CSMD2: variants seen among roughly 807,000 people sequenced by gnomAD.
CSMD2 encodes the protein CUB and sushi domain-containing protein 2.
In CSMD2, 130 loss-of-function variants were observed where a neutral mutation model predicts 398.5. That is an observed-to-expected ratio of 0.33 (90% confidence interval 0.28 to 0.38). The LOEUF is 0.38. CSMD2 is among the 10% of genes least tolerant of loss of function. The pLI, the probability that CSMD2 is intolerant of heterozygous loss-of-function variation, is 1.00. For synonymous variants in CSMD2, 1,828 were observed against 1,908.5 expected (o/e 0.96, Z 1.10); for missense variants, 3,829 against 4,764.9 (o/e 0.80, Z 5.78).
In CSMD2 at chr1:34,064,462, G is replaced by C. The variant is rs893056981; in HGVS notation, c.404+24515C>G. ...CTAGGGCGGGGGCAAAATGTCACCA[G>C]TCTCTTTACTAAAACATAACAAGAG... On this transcript the variant is annotated intron_variant, in intron 2 of 70. Transcript: ENST00000373381. Among the ~76,000 whole-genome samples, 3 of 152,180 alleles carry C rather than the reference G, an allele frequency of 2.0e-5. No homozygotes were observed. In the South Asian group the frequency reaches 6.2e-4, roughly 32 times the overall value.
At chr1:33,628,687 A>T (rs1642278379) in intron 32 of CSMD2, among the ~76,000 whole-genome samples, 1 of 149,562 alleles carries the variant, frequency 6.7e-6, no homozygotes, top group African/African-American at 2.5e-5. Context: ...AAAAAAAAAA[A>T]ATCATTTAAG....
chr1:33,613,079 A>G (rs1438819596), intron 40 of CSMD2, among the ~76,000 whole-genome samples: 2 of 152,178 alleles, frequency 1.3e-5, no homozygotes, highest in African/African-American at 4.8e-5. Flanking sequence ...GTGGAGCAGC[A>G]TGTAGCTGCA....
chr1:33,744,182 CT>C lies in CSMD2; in HGVS notation c.1847-577del, dbSNP rs574377103. Among the ~76,000 whole-genome samples, 5 of 152,318 alleles carry C rather than the reference CT, an allele frequency of 3.3e-5. No homozygotes were observed. The East Asian group carries it at 7.7e-4, about 23-fold the overall frequency. On this transcript the variant is annotated intron_variant, in intron 13 of 70. Coordinates refer to ENST00000373381, the MANE Select transcript of CSMD2 (RefSeq NM_001281956.2). ...AGTGTAGAGTCACAGTCCCTGACCC[CT>C]CTCAGCTGGGTTTACAGCAGTAGGA...
At position 33,955,446 on chromosome 1, in the gene CSMD2, AG is replaced by A. The variant is rs1223951941; in HGVS notation, c.518-19493del. 7.9e-5 allele frequency among the ~76,000 whole-genome samples: 12 copies of A among 152,202 alleles called. No homozygotes were observed. The East Asian group carries it at 1.4e-3, about 17-fold the overall frequency. ...TGGCCCAAAAAATAGAACACTCAGG[AG>A]TGAGTGCTGTTATACCTTCTTAATT... On this transcript the variant is annotated intron_variant, in intron 3 of 70. Transcript: ENST00000373381.
intron 10 of CSMD2, among the ~76,000 whole-genome samples, chr1:33,795,948 T>C (rs554482749): frequency 1.3e-5 from 2 of 152,382 alleles, no homozygotes; most frequent in African/African-American, 4.8e-5. Flanking sequence ...TGGCAAACTT[T>C]TTCTGTAAAG....
rs1646148177 is a variant in CSMD2, at chr1:33,981,058, G to C, written c.518-45104C>G. Among the ~76,000 whole-genome samples, 3 of 152,248 alleles carry C rather than the reference G, an allele frequency of 2.0e-5. No individual in the cohort carries two copies. In the South Asian group the frequency reaches 6.2e-4, roughly 32 times the overall value. Reference sequence around the variant, plus strand: ...TGTGGGCCCGTGAGAGATACCCCTGGGGTCTCTTGGGCACACTTCTGTTGG... The same window carrying C: ...TGTGGGCCCGTGAGAGATACCCCTGCGGTCTCTTGGGCACACTTCTGTTGG... On this transcript the variant is annotated intron_variant, in intron 3 of 70. Coordinates refer to ENST00000373381, the MANE Select transcript of CSMD2 (RefSeq NM_001281956.2).
intron 6 of CSMD2, among the ~76,000 whole-genome samples, chr1:33,837,125 C>G (rs1339780760): frequency 6.6e-6 from 1 of 152,096 alleles, no homozygotes; most frequent in Non-Finnish European, 1.5e-5. Context: ...TTTTAACAGT[C>G]TGCTCAGGTG....
chr1:33,908,035 G>A (rs908699569), intron 5 of CSMD2, among the ~76,000 whole-genome samples: 4 of 141,862 alleles, frequency 2.8e-5, no homozygotes, highest in Non-Finnish European at 6.0e-5. Flanking sequence ...TGCAGTGAGC[G>A]AGATTGTGAC....
intron 29 of CSMD2, among the ~76,000 whole-genome samples, chr1:33,642,143 T>A (rs1250927451): frequency 1.3e-5 from 2 of 151,816 alleles, no homozygotes; most frequent in Non-Finnish European, 2.9e-5. Flanking sequence ...GGTCAGGAGT[T>A]CAAAACCAGC....
At chr1:33,945,431 A>C (rs1316676961) in intron 3 of CSMD2, among the ~76,000 whole-genome samples, 1 of 152,148 alleles carries the variant, frequency 6.6e-6, no homozygotes, top group East Asian at 1.9e-4. Flanking sequence ...CCTCTTAAAA[A>C]GTTGGGGCCA....
intron 2 of CSMD2, among the ~76,000 whole-genome samples, chr1:34,070,267 G>A (rs1435163995): frequency 2.6e-5 from 4 of 152,156 alleles, no homozygotes; most frequent in Non-Finnish European, 5.9e-5. Flanking sequence ...TTCCAAACAT[G>A]GAAGGAGACA....
chr1:33,516,685 G>C (rs1180632365), intron 70 of CSMD2, 115 bp from the exon 71 acceptor site: 1 of 152,114 alleles, frequency 6.6e-6, no homozygotes, highest in African/African-American at 2.4e-5. Context: ...GCACAAGCGG[G>C]AAAGAGATGA....
chr1:33,950,656 T>C (rs1489808635), intron 3 of CSMD2, among the ~76,000 whole-genome samples: 2 of 152,124 alleles, frequency 1.3e-5, no homozygotes, highest in Non-Finnish European at 1.5e-5. Flanking sequence ...CAGCAAAGGC[T>C]AGGCTACTGA....
At chr1:33,539,019 G>GT (rs1255001351) in intron 60 of CSMD2, among the ~76,000 whole-genome samples, 1 of 152,084 alleles carries the variant, frequency 6.6e-6, no homozygotes, top group Non-Finnish European at 1.5e-5. Flanking sequence ...CCAGGCTGGA[G>GT]TGCAGGGGTG....
chr1:34,150,274 AG>A (rs1042049736), intron 1 of CSMD2, among the ~76,000 whole-genome samples: 6 of 151,808 alleles, frequency 4.0e-5, no homozygotes, highest in Non-Finnish European at 8.8e-5. Flanking sequence ...TTGTAGAGAC[AG>A]GGTATTACTA....
intron 1 of CSMD2, among the ~76,000 whole-genome samples, chr1:34,117,624 C>T (rs1558413965): frequency 6.6e-6 from 1 of 151,682 alleles, no homozygotes; most frequent in Admixed American, 6.6e-5. Flanking sequence ...TAGCATTACC[C>T]TAATACCAAA....
Position 33,527,265 on chromosome 1 carries a change from G to C in CSMD2, c.10172-7C>G. 1 of 1,608,160 alleles carries C rather than the reference G, an allele frequency of 6.2e-7. No individual in the cohort carries two copies. Among genetic ancestry groups the C allele is most frequent in the Non-Finnish European group, 8.5e-7 (1 of 1,177,160 alleles). ...CTCCCACTGGGCCGGACCTCTGCTGGGGAAAAAGAGTGGAAGAAAACAGGT... is the reference window on the plus strand; with the variant it reads ...CTCCCACTGGGCCGGACCTCTGCTGCGGAAAAAGAGTGGAAGAAAACAGGT... On this transcript the variant is annotated splice_polypyrimidine_tract_variant and splice_region_variant and intron_variant, in intron 64 of 70. Coordinates refer to ENST00000373381, the MANE Select transcript of CSMD2 (RefSeq NM_001281956.2).
In CSMD2 at chr1:34,023,173, T is replaced by C. The variant is rs991524109; in HGVS notation, c.517+9421A>G. 3.3e-5 allele frequency among the ~76,000 whole-genome samples: 5 copies of C among 151,800 alleles called. No homozygotes were observed. In the South Asian group the frequency reaches 6.2e-4, roughly 19 times the overall value. On this transcript the variant is annotated intron_variant, in intron 3 of 70. Coordinates refer to ENST00000373381, the MANE Select transcript of CSMD2 (RefSeq NM_001281956.2). ...TAAACCCTTTAACCCAATTAAAGGG[T>C]TTCAAGTGAAAGCTCTCTGAGATCT...
chr1:33,707,689 G>GCA (rs1435269523), intron 22 of CSMD2, among the ~76,000 whole-genome samples: 17 of 126,394 alleles, frequency 1.3e-4, no homozygotes, highest in African/African-American at 2.4e-4. Flanking sequence ...GCACACGCGC[G>GCA]CGCGCGCACA....
Sources: gnomAD v4.1 joint callset for allele counts (sites outside exome capture counted in the v4.1 genomes callset) on GRCh38, gnomAD v4.1.1 for gene constraint, MANE v1.5 for transcripts, NCBI Gene and HGNC (gene_info 2026-07-23, HGNC 2026-07-21) for gene names.